KCNIP1: variants seen among roughly 807,000 people sequenced by gnomAD.
KCNIP1 encodes the protein A-type potassium channel modulatory protein KCNIP1.
A neutral mutation model predicts 33.0 loss-of-function variants in KCNIP1; 18 were observed. The observed-to-expected ratio is 0.55, with a 90% CI of 0.38 to 0.81. The LOEUF (loss-of-function observed/expected upper bound fraction) is 0.81. KCNIP1 is among the 30% of genes least tolerant of loss of function. KCNIP1 has a pLI of 0.00. For synonymous variants in KCNIP1, 93 were observed against 98.3 expected (o/e 0.95, Z 0.32); for missense variants, 238 against 271.6 (o/e 0.88, Z 0.87).
At chr5:170,416,588 G>A (rs752105966) in intron 1 of KCNIP1, among the ~76,000 whole-genome samples, 1 of 151,614 alleles carries the variant, frequency 6.6e-6, no homozygotes, top group Non-Finnish European at 1.5e-5. Flanking sequence ...CTACATTTCT[G>A]CATTTAAAAT....
At chr5:170,401,184 G>A (rs1006644337) in intron 1 of KCNIP1, among the ~76,000 whole-genome samples, 1 of 152,170 alleles carries the variant, frequency 6.6e-6, no homozygotes, top group African/African-American at 2.4e-5. Context: ...CTGCCTACAG[G>A]GCTGGCAGTC....
chr5:170,677,847 G>A (rs1193292292), intron 1 of KCNIP1, among the ~76,000 whole-genome samples: 1 of 152,144 alleles, frequency 6.6e-6, no homozygotes, highest in African/African-American at 2.4e-5. Flanking sequence ...ATGCCTGTCA[G>A]TATTGATAAG....
At chr5:170,402,224 T>C (rs1016491718) in intron 1 of KCNIP1, among the ~76,000 whole-genome samples, 2 of 152,146 alleles carry the variant, frequency 1.3e-5, no homozygotes, top group Admixed American at 6.5e-5. Context: ...AGACTCTTTT[T>C]TTCCTAATAA....
At chr5:170,644,138 G>A (rs961079931) in intron 1 of KCNIP1, among the ~76,000 whole-genome samples, 5 of 152,328 alleles carry the variant, frequency 3.3e-5, no homozygotes, top group African/African-American at 1.2e-4. Context: ...AGCCAACAGA[G>A]TCAAGAGGGT....
intron 1 of KCNIP1, among the ~76,000 whole-genome samples, chr5:170,606,336 C>T (rs78760015): frequency 0.015 from 2,274 of 152,270 alleles, 72 homozygotes; most frequent in African/African-American, 0.053. Context: ...TTTTCCATAA[C>T]AGCTGCACCA....
At chr5:170,467,923 A>AAAG (rs1249814676) in intron 1 of KCNIP1, among the ~76,000 whole-genome samples, 2 of 150,934 alleles carry the variant, frequency 1.3e-5, no homozygotes, top group Non-Finnish European at 3.0e-5. Flanking sequence ...ATCTCAAAAA[A>AAAG]AAAAAAAAAA....
intron 1 of KCNIP1, among the ~76,000 whole-genome samples, chr5:170,371,643 T>C (rs1336371824): frequency 6.6e-6 from 1 of 152,184 alleles, no homozygotes; most frequent in Non-Finnish European, 1.5e-5. Context: ...TCAAAGGATG[T>C]TGTTACTGTT....
At chr5:170,594,518 T>TA (rs1758374653) in intron 1 of KCNIP1, among the ~76,000 whole-genome samples, 1 of 152,154 alleles carries the variant, frequency 6.6e-6, no homozygotes, top group African/African-American at 2.4e-5. Flanking sequence ...TCTTTTTTTT[T>TA]ATTATTGTTT....
intron 1 of KCNIP1, among the ~76,000 whole-genome samples, chr5:170,488,779 A>G (rs1326784969): frequency 1.3e-5 from 2 of 152,156 alleles, no homozygotes; most frequent in African/African-American, 4.8e-5. Flanking sequence ...GAGCCCGGGG[A>G]AGGGTGTCTT....
At chr5:170,407,138 C>G (rs1012619586) in intron 1 of KCNIP1, among the ~76,000 whole-genome samples, 1 of 152,196 alleles carries the variant, frequency 6.6e-6, no homozygotes, top group East Asian at 1.9e-4. Context: ...TGGGCAGCAG[C>G]CCTTGCCTGT....
At chr5:170,431,368 G>T (rs960501193) in intron 1 of KCNIP1, among the ~76,000 whole-genome samples, 6 of 152,204 alleles carry the variant, frequency 3.9e-5, no homozygotes, top group Admixed American at 6.5e-5. Flanking sequence ...GGATCAGGCT[G>T]CTGGAGGGCA....
At chr5:170,438,349 C>T (rs981699787) in intron 1 of KCNIP1, among the ~76,000 whole-genome samples, 1 of 152,184 alleles carries the variant, frequency 6.6e-6, no homozygotes, top group African/African-American at 2.4e-5. Flanking sequence ...CTTGAAAATA[C>T]CTCGTGTGGG....
chr5:170,556,819 A>G (rs1756862878), intron 1 of KCNIP1, among the ~76,000 whole-genome samples: 2 of 152,218 alleles, frequency 1.3e-5, no homozygotes, highest in Admixed American at 1.3e-4. Flanking sequence ...GCACCAGAGT[A>G]TTTCTAGACC....
intron 1 of KCNIP1, among the ~76,000 whole-genome samples, chr5:170,584,147 A>G (rs866196736): frequency 2.0e-5 from 3 of 152,384 alleles, no homozygotes; most frequent in Non-Finnish European, 4.4e-5. Flanking sequence ...CTGAGGCTGC[A>G]TCTGAACTTG....
At chr5:170,498,317 G>C (rs1249719468) in intron 1 of KCNIP1, among the ~76,000 whole-genome samples, 1 of 152,194 alleles carries the variant, frequency 6.6e-6, no homozygotes, top group Non-Finnish European at 1.5e-5. Flanking sequence ...GCAAACATGA[G>C]GAAATTGAGG....
At chr5:170,562,256 A>T (rs1295211395) in intron 1 of KCNIP1, among the ~76,000 whole-genome samples, 1 of 152,220 alleles carries the variant, frequency 6.6e-6, no homozygotes, top group African/African-American at 2.4e-5. Flanking sequence ...GGAATACTGG[A>T]CAGAGGGCCC....
chr5:170,433,756 T>A (rs991478097), intron 1 of KCNIP1, among the ~76,000 whole-genome samples: 1 of 152,262 alleles, frequency 6.6e-6, no homozygotes, highest in African/African-American at 2.4e-5. Flanking sequence ...TCACGCACTA[T>A]GCTAAATTCT....
chr5:170,575,875 C>A (rs989808902), intron 1 of KCNIP1, among the ~76,000 whole-genome samples: 1 of 151,744 alleles, frequency 6.6e-6, no homozygotes, highest in Admixed American at 6.6e-5. Flanking sequence ...ACTTTTTTTT[C>A]GTTTTACTGA....
Position 170,567,775 on chromosome 5 carries a change from T to G in KCNIP1, c.61+63142T>G, listed in dbSNP as rs1159223261. On this transcript the variant is annotated intron_variant, in intron 1 of 7. Coordinates refer to ENST00000328939, the MANE Select transcript of KCNIP1 (RefSeq NM_014592.4). ...GCGTGCTTTACTACCAGAGGCCATCTGTTAATGGATGATGGGAAATGCCAC... is the reference window on the plus strand; with the variant it reads ...GCGTGCTTTACTACCAGAGGCCATCGGTTAATGGATGATGGGAAATGCCAC... Among the ~76,000 whole-genome samples the G allele has an allele frequency of 2.0e-5, 3 of 152,216 alleles. No individual in the cohort carries two copies. The East Asian group carries it at 5.8e-4, about 29-fold the overall frequency.
Sources: allele counts gnomAD v4.1 joint callset (sites outside exome capture counted in the v4.1 genomes callset), GRCh38; gene constraint gnomAD v4.1.1; transcripts MANE v1.5; gene names NCBI Gene and HGNC (gene_info 2026-07-23, HGNC 2026-07-21).